The following DNAH17 variants were observed in gnomAD, a reference collection of about 807,000 sequenced individuals.
DNAH17 encodes the protein axonemal beta dynein heavy chain 17.
A neutral mutation model predicts 485.6 loss-of-function variants in DNAH17; 376 were observed. That is an observed-to-expected ratio of 0.77 (90% CI 0.71 to 0.84). The LOEUF (loss-of-function observed/expected upper bound fraction) is 0.84, where lower values mean the gene tolerates loss of function less well. DNAH17 is among the 40% of genes least tolerant of loss of function. DNAH17 has a pLI of 0.00. For missense variants in DNAH17, 6,370 were observed against 5,839.3 expected, an observed-to-expected ratio of 1.09 and a Z score of -2.96; for synonymous variants, 3,031 against 2,405.9, an observed-to-expected ratio of 1.26 and a Z score of -7.60.
intron 70 of DNAH17, among the ~76,000 whole-genome samples, chr17:78,445,231 A>G (rs1443527555): frequency 4.1e-4 from 3 of 7,286 alleles, no homozygotes; most frequent in Admixed American, 1.7e-3. Flanking sequence ...GGAGGAGGGG[A>G]GGCTGGGGGG....
intron 25 of DNAH17, among the ~76,000 whole-genome samples, chr17:78,520,460 G>A (rs900421899): frequency 7.2e-5 from 11 of 152,142 alleles, no homozygotes; most frequent in African/African-American, 2.7e-4. Context: ...TATTGTCTAT[G>A]TACAAAATCC....
In DNAH17 at chr17:78,530,487, T is replaced by A. The variant is rs765261305; in HGVS notation, c.3140A>T (p.Glu1047Val). 101 of 1,610,260 alleles carry A rather than the reference T, an allele frequency of 6.3e-5. No individual in the cohort carries two copies. Among genetic ancestry groups the A allele is most frequent in the Non-Finnish European group, 8.3e-5 (98 of 1,177,330 alleles). Reference sequence around the variant, plus strand: ...GGTGTTCTCGCACTTGGACACCTCCTCATACAGCTTCTCGTAGGAGTCGAT... The same window carrying A: ...GGTGTTCTCGCACTTGGACACCTCCACATACAGCTTCTCGTAGGAGTCGAT... ...EQIDSYEKLY[E>V]EVSKCENTKV... Residue 1047 changes from glutamate (E) to valine (V), a missense_variant, in exon 21 of 81, where the codon GAG becomes GTG. By Grantham distance (121) the Glu-to-Val change is moderately radical. Transcript: ENST00000389840.
intron 75 of DNAH17, among the ~76,000 whole-genome samples, chr17:78,431,531 G>C (rs987930323): frequency 1.3e-5 from 2 of 151,134 alleles, no homozygotes; most frequent in South Asian, 2.1e-4. Context: ...GTGTTTCAAA[G>C]CAACGTTCCA....
intron 26 of DNAH17, among the ~76,000 whole-genome samples, chr17:78,510,894 T>C (rs938358028): frequency 6.6e-6 from 1 of 152,156 alleles, no homozygotes; most frequent in Non-Finnish European, 1.5e-5. Flanking sequence ...AGTGTCCTCG[T>C]GACAGGAAGG....
At chr17:78,564,107 C>T (rs2092217657) in intron 11 of DNAH17, among the ~76,000 whole-genome samples, 1 of 152,152 alleles carries the variant, frequency 6.6e-6, no homozygotes, top group South Asian at 2.1e-4. Flanking sequence ...GGTTGGGTTT[C>T]TTCCAGGACC....
rs925553528 is a variant in DNAH17 at position 78,433,964 on chromosome 17, G to C, written c.12225+65C>G. 315 of 1,323,552 alleles carry C rather than the reference G, an allele frequency of 2.4e-4. No individual in the cohort carries two copies. In the African/African-American group the frequency reaches 4.8e-3, roughly 20 times the overall value. 82.0% of individuals were successfully genotyped at this position (1,323,552 alleles called of 1,614,324 possible). A position where few individuals can be genotyped will look rare whatever the true frequency, so the allele number is the denominator to read the frequency against. ...AGGAGGGAGGGAAGGAGGGAGGGAA[G>C]GAGGGAGGGAAGGAGGGAAAGAGGG... On this transcript the variant is annotated intron_variant, in intron 75 of 80. Transcript: ENST00000389840.
rs566860079 is a variant in DNAH17, at chr17:78,494,646, C to T, written c.6217G>A (p.Asp2073Asn). The T allele has an allele frequency of 1.2e-6, 2 of 1,613,956 alleles. No individual in the cohort carries two copies. The highest frequency in any genetic ancestry group is 2.2e-5 in the East Asian group (1 of 44,892). The change falls in exon 40 of 81, where the codon GAC becomes AAC. Residue 2073 changes from aspartate (D) to asparagine (N), a missense_variant. Coordinates refer to ENST00000389840, the MANE Select transcript of DNAH17 (RefSeq NM_173628.4). Reference protein sequence around the residue: ...DLPVFMGLIGDLFPALDVPRK... With the variant: ...DLPVFMGLIGNLFPALDVPRK... ...GGCACGTCCAGAGCCGGGAAGAGGT[C>T]CCCGATCAGTCCCATGAATACGGGC...
chr17:78,476,761 C>T (rs373542640), intron 51 of DNAH17, 28 bp from the exon 52 acceptor site: 56 of 1,604,882 alleles, frequency 3.5e-5, no homozygotes, highest in Middle Eastern at 1.7e-4. Context: ...TGATCAGCAC[C>T]GTCAGCTGTT....
chr17:78,534,979 G>A (rs1193071917), intron 19 of DNAH17, among the ~76,000 whole-genome samples: 1 of 152,176 alleles, frequency 6.6e-6, no homozygotes, highest in Admixed American at 6.5e-5. Context: ...CTAGATGCCT[G>A]ACTCTCTCAT....
At position 78,423,755 on chromosome 17, in the gene DNAH17, G is replaced by A; in HGVS notation, c.*151C>T. ...TCTTCCACACCAACCTCCACCCTCT[G>A]GTTCCGATGTGCTTGGTTACAAAGC... On this transcript the variant is annotated 3_prime_UTR_variant, in exon 81 of 81. Coordinates refer to ENST00000389840, the MANE Select transcript of DNAH17 (RefSeq NM_173628.4). 9.8e-7 allele frequency: 1 copy of A among 1,021,452 alleles called. No individual in the cohort carries two copies. The highest frequency in any genetic ancestry group is 1.5e-5 in the South Asian group (1 of 65,802). The allele number at this position is 1,021,452 out of a possible 1,614,324, so 63.3% of individuals were successfully genotyped here.
At chr17:78,445,535 G>A (rs552063920) in intron 70 of DNAH17, 23 bp downstream of exon 70, 8 of 1,557,456 alleles carry the variant, frequency 5.1e-6, no homozygotes, top group African/African-American at 1.4e-5. Flanking sequence ...AAAGCACAAC[G>A]TGTTCAACGT....
intron 62 of DNAH17, among the ~76,000 whole-genome samples, chr17:78,457,366 CCT>C (rs199561429): frequency 0.015 from 2,243 of 151,958 alleles, 26 homozygotes; most frequent in Non-Finnish European, 0.023. Context: ...GTGAGACTCC[CCT>C]GTCTCCAAAA....
chr17:78,476,790 C>G, intron 51 of DNAH17, 57 bp from the exon 52 acceptor site: 1 of 1,572,548 alleles, frequency 6.4e-7, no homozygotes. Context: ...GAGCCCAGAG[C>G]TGGACACAGA....
At chr17:78,520,730 G>A (rs2090913008) in intron 25 of DNAH17, among the ~76,000 whole-genome samples, 1 of 148,988 alleles carries the variant, frequency 6.7e-6, no homozygotes, top group Non-Finnish European at 1.5e-5. Context: ...AATCAAAGAA[G>A]AGCCAAATAA....
At chr17:78,473,543 C>CAAAAAAA (rs758795883) in intron 54 of DNAH17, among the ~76,000 whole-genome samples, 18 of 55,418 alleles carry the variant, frequency 3.2e-4, no homozygotes, top group African/African-American at 9.6e-4. Context: ...GACTCTGTCT[C>CAAAAAAA]AAAAAAAAAA....
intron 25 of DNAH17, chr17:78,522,421 GT>G (rs1483973135): frequency 1.0e-5 from 3 of 297,228 alleles, no homozygotes; most frequent in Admixed American, 4.9e-5. Context: ...ATTCTGATTT[GT>G]TTCAGGGAAC....
chr17:78,466,561 ATCCCAGCGCCCTTTTC>A, intron 56 of DNAH17, 78 bp downstream of exon 56: 1 of 1,332,972 alleles, frequency 7.5e-7, no homozygotes, highest in Non-Finnish European at 9.8e-7. Context: ...GCTCACCCTA[ATCCCAGCGCCCTTTTC>A]TCCCAGGGAG....
rs925785643 is a variant in DNAH17, at chr17:78,560,617, T to C, written c.2031+123A>G. 1.6e-4 allele frequency: 178 copies of C among 1,107,622 alleles called. 1 individual carries two copies. Among genetic ancestry groups the C allele is most frequent in the Non-Finnish European group, 2.1e-4 (172 of 802,996 alleles). The allele number at this position is 1,107,622 out of a possible 1,614,324, so 68.6% of individuals were successfully genotyped here. On this transcript the variant is annotated intron_variant, in intron 13 of 80. Transcript: ENST00000389840. ...ATATACCCTGGACACACTTAAGAAG[T>C]AAAGCTTTAGGCGAACTGTGATATA...
At position 78,491,583 on chromosome 17, in the gene DNAH17, C is replaced by T. The variant is rs368541958; in HGVS notation, c.6542-13G>A. The T allele has an allele frequency of 3.8e-5, 61 of 1,612,856 alleles. No individual in the cohort carries two copies. Among genetic ancestry groups the T allele is most frequent in the Admixed American group, 1.2e-4 (7 of 59,890 alleles). ...GTGGAGAACAGGCCTGGGGGAGGCG[C>T]GTGGTATGACCCCGGGCCCTTCACT... On this transcript the variant is annotated splice_polypyrimidine_tract_variant and intron_variant, in intron 42 of 80. Transcript: ENST00000389840.
Sources: gnomAD v4.1 joint callset for allele counts (sites outside exome capture counted in the v4.1 genomes callset) on GRCh38, gnomAD v4.1.1 for gene constraint, MANE v1.5 for transcripts, NCBI Gene and HGNC (gene_info 2026-07-23, HGNC 2026-07-21) for gene names.